The following TTLL4 variants were observed in gnomAD, a reference collection of about 807,000 sequenced individuals.
The protein encoded by TTLL4 is tubulin monoglutamylase TTLL4.
A neutral mutation model predicts 122.7 loss-of-function variants in TTLL4; 85 were observed. The observed-to-expected ratio is 0.69, with a 90% confidence interval of 0.58 to 0.83. TTLL4 has a LOEUF of 0.83. TTLL4 is among the 40% of genes least tolerant of loss of function. TTLL4 has a pLI of 0.00. For synonymous variants in TTLL4, 553 were observed against 563.0 expected, an observed-to-expected ratio of 0.98 and a Z score of 0.25; for missense variants, 1,363 against 1,488.6, an observed-to-expected ratio of 0.92 and a Z score of 1.39.
At position 218,738,346 on chromosome 2, in the gene TTLL4, T is replaced by A. The variant is rs775136669; in HGVS notation, c.670T>A (p.Trp224Arg). The A allele has an allele frequency of 3.1e-6, 5 of 1,614,168 alleles. No homozygotes were observed. The highest frequency in any genetic ancestry group is 4.2e-6 in the Non-Finnish European group (5 of 1,180,038). ...CATGCTGAATAATAATTCCTTCATG[T>A]GGCCAAATAGCACGCCAGTGCCTTT... is the stretch of plus-strand genomic sequence containing the variant. ...KPMLNNNSFM[W>R]PNSTPVPLLQ... The change falls in exon 3 of 20, where the codon TGG (tryptophan) becomes AGG (arginine). Residue 224 changes from tryptophan (W) to arginine (R), a missense_variant. By Grantham distance (101) the Trp-to-Arg change is moderately radical. Around this residue, in one of 3 missense-constraint regions of TTLL4, gnomAD observed 760 missense variants for 808.4 expected, o/e 0.94. Transcript: ENST00000392102.
intron 1 of TTLL4, among the ~76,000 whole-genome samples, chr2:218,719,707 T>C (rs930459060): frequency 2.0e-5 from 3 of 152,242 alleles, no homozygotes; most frequent in African/African-American, 7.2e-5. Flanking sequence ...CTGAATCCTC[T>C]TGAAGGTGAA....
chr2:218,736,163 C>T (rs1942516492), intron 2 of TTLL4: 5 of 151,706 alleles, frequency 3.3e-5, no homozygotes, highest in South Asian at 4.2e-4. Flanking sequence ...TTTGTAGAGA[C>T]GGGGTTTTGC....
rs766164912 is a variant in TTLL4, at chr2:218,740,044, A to C, written c.1488-14A>C. On this transcript the variant is annotated splice_polypyrimidine_tract_variant and intron_variant, in intron 3 of 19. Coordinates refer to ENST00000392102, the MANE Select transcript of TTLL4 (RefSeq NM_014640.5). ...TGGAGTTGACTAGGCTGGGGGCATGATTCTTTCTTTTAGTTCAGCTACTGA... is the reference window on the plus strand; with the variant it reads ...TGGAGTTGACTAGGCTGGGGGCATGCTTCTTTCTTTTAGTTCAGCTACTGA... 3 of 1,612,890 alleles carry C rather than the reference A, an allele frequency of 1.9e-6. No individual in the cohort carries two copies. The highest frequency in any genetic ancestry group is 2.5e-6 in the Non-Finnish European group (3 of 1,179,008).
chr2:218,742,553 G>A, intron 5 of TTLL4, among the ~76,000 whole-genome samples: 1 of 152,196 alleles, frequency 6.6e-6, no homozygotes, highest in Admixed American at 6.5e-5. Flanking sequence ...AAGTGAAGCA[G>A]CTGTTCCAAG....
rs1942829304 is a variant in TTLL4 at position 218,745,866 on chromosome 2, G to T, written c.1897+65G>T. Reference sequence around the variant, plus strand: ...CAAATAGATGGGCTTTGCATAGGGGGAGAGCTCTAGACACCTCGTGCCTAT... The same window carrying T: ...CAAATAGATGGGCTTTGCATAGGGGTAGAGCTCTAGACACCTCGTGCCTAT... On this transcript the variant is annotated intron_variant, in intron 7 of 19. Coordinates refer to ENST00000392102, the MANE Select transcript of TTLL4 (RefSeq NM_014640.5). 2.8e-6 allele frequency: 4 copies of T among 1,434,448 alleles called. No individual in the cohort carries two copies. The South Asian group carries it at 4.7e-5, about 17-fold the overall frequency. 88.9% of individuals were successfully genotyped at this position (1,434,448 alleles called of 1,614,324 possible). A position where few individuals can be genotyped will look rare whatever the true frequency, so the allele number is the denominator to read the frequency against.
downstream of TTLL4, among the ~76,000 whole-genome samples, chr2:218,758,169 GA>G (rs1296786963): frequency 6.6e-6 from 1 of 152,158 alleles, no homozygotes; most frequent in Non-Finnish European, 1.5e-5. Context: ...TTTTACAGGT[GA>G]AAACACAAGA....
intron 1 of TTLL4, among the ~76,000 whole-genome samples, chr2:218,719,894 C>T (rs543154441): frequency 1.3e-5 from 2 of 152,292 alleles, no homozygotes; most frequent in Admixed American, 1.3e-4. Flanking sequence ...ACACATGCTT[C>T]AGTCAGTGCT....
At chr2:218,717,068 A>AC (rs1290684264) in intron 1 of TTLL4, among the ~76,000 whole-genome samples, 5 of 150,866 alleles carry the variant, frequency 3.3e-5, no homozygotes. Context: ...TGCAGTCTCC[A>AC]CCCCCCAGGC....
At chr2:218,753,388 G>A (rs1943076828) in intron 18 of TTLL4, 196 bp from the exon 19 acceptor site, 1 of 811,870 alleles carries the variant, frequency 1.2e-6, no homozygotes, top group East Asian at 2.5e-5. Context: ...ATCAAAAAGT[G>A]CTTTGTAGGC....
At chr2:218,751,150 G>A (rs1943003844) in intron 15 of TTLL4, among the ~76,000 whole-genome samples, 1 of 121,516 alleles carries the variant, frequency 8.2e-6, no homozygotes, top group Non-Finnish European at 1.9e-5. Context: ...GCTTTACCCT[G>A]TAGACTCATG....
At chr2:218,728,953 G>T (rs1450120817) in intron 2 of TTLL4, among the ~76,000 whole-genome samples, 1 of 112,868 alleles carries the variant, frequency 8.9e-6, no homozygotes, top group Non-Finnish European at 1.9e-5. Context: ...GCGGGGGGGG[G>T]CATAGTTTTG....
chr2:218,723,432 T>C (rs1203292464), intron 1 of TTLL4, among the ~76,000 whole-genome samples: 2 of 152,182 alleles, frequency 1.3e-5, no homozygotes, highest in Non-Finnish European at 2.9e-5. Context: ...TGTTGATGGG[T>C]CCTAGAGAAA....
rs144426308 is a variant in TTLL4, at chr2:218,747,794, T to G, written c.2378+69T>G. On this transcript the variant is annotated intron_variant, in intron 11 of 19. Coordinates refer to ENST00000392102, the MANE Select transcript of TTLL4 (RefSeq NM_014640.5). This position sits in a 1 kb window ranked among gnomAD's most constrained non-coding sequence, Gnocchi z 4.7. ...TTATTTTCCTTGGAGGGAGGGAAAC[T>G]AGAAGACACCAAACAGAAAAATAGT... 6.3e-7 allele frequency: 1 copy of G among 1,587,304 alleles called. No homozygotes were observed. The highest frequency in any genetic ancestry group is 8.6e-7 in the Non-Finnish European group (1 of 1,163,380).
intron 1 of TTLL4, among the ~76,000 whole-genome samples, chr2:218,723,469 G>A (rs1468467048): frequency 6.6e-6 from 1 of 152,160 alleles, no homozygotes; most frequent in Non-Finnish European, 1.5e-5. Context: ...TTATCTGCCA[G>A]GCTTGAGTAA....
chr2:218,756,771 G>A (rs1257519572), downstream of TTLL4, among the ~76,000 whole-genome samples: 7 of 152,274 alleles, frequency 4.6e-5, no homozygotes, highest in Admixed American at 2.6e-4. Context: ...GAAGGGAGGC[G>A]AGTGTTCTTG....
chr2:218,745,087 C>G lies in TTLL4; in HGVS notation c.1662-22C>G. 1 of 1,613,434 alleles carries G rather than the reference C, an allele frequency of 6.2e-7. No individual in the cohort carries two copies. Among genetic ancestry groups the G allele is most frequent in the South Asian group, 1.1e-5 (1 of 91,042 alleles). On this transcript the variant is annotated intron_variant, in intron 5 of 19. Coordinates refer to ENST00000392102, the MANE Select transcript of TTLL4 (RefSeq NM_014640.5). ...CTGTTGCTTTTTCCCTTTCTCTACT[C>G]CATGTTTGTTTTTCGTCTTAGAAGC...
chr2:218,728,948 G>T (rs1012648216), intron 2 of TTLL4, among the ~76,000 whole-genome samples: 3 of 148,044 alleles, frequency 2.0e-5, no homozygotes, highest in South Asian at 4.4e-4. Flanking sequence ...TTTTGGCGGG[G>T]GGGGGCATAG....
intron 5 of TTLL4, among the ~76,000 whole-genome samples, chr2:218,741,414 C>T (rs1360713651): frequency 6.6e-6 from 1 of 152,172 alleles, no homozygotes; most frequent in Non-Finnish European, 1.5e-5. Context: ...ATCAACCCTG[C>T]CTTAGATGAA....
At chr2:218,739,245 T>G (rs1235990593) in intron 3 of TTLL4, 82 bp downstream of exon 3, 2 of 1,477,144 alleles carry the variant, frequency 1.4e-6, no homozygotes, top group Non-Finnish European at 1.8e-6. Context: ...CCTGTACCTC[T>G]GAAGGTTGGT....
Sources: allele counts gnomAD v4.1 joint callset (sites outside exome capture counted in the v4.1 genomes callset), GRCh38; gene constraint gnomAD v4.1.1; regional missense constraint gnomAD v4.1.1; non-coding constraint Gnocchi (gnomAD v3.1); transcripts MANE v1.5; gene names NCBI Gene and HGNC (gene_info 2026-07-23, HGNC 2026-07-21).